Variants in PXDNL observed in about 807,000 individuals in gnomAD.
PXDNL encodes probable oxidoreductase PXDNL.
In PXDNL, 145 loss-of-function variants were observed where a neutral mutation model predicts 150.8. The ratio of observed to expected loss-of-function variants is 0.96; its 90% CI spans 0.84 to 1.10. PXDNL has a LOEUF of 1.10. Among genes scored for constraint, PXDNL ranks in the 50% least tolerant of loss-of-function variants. The pLI, the probability that PXDNL is intolerant of heterozygous loss-of-function variation, is 0.00. For missense variants in PXDNL, 2,087 were observed against 1,873.9 expected, an observed-to-expected ratio of 1.11 and a Z score of -2.10; for synonymous variants, 757 against 725.7, an observed-to-expected ratio of 1.04 and a Z score of -0.69.
chr8:51,493,149 G>C lies in PXDNL; in HGVS notation c.452+6550C>G, dbSNP rs374415117. Among the ~76,000 whole-genome samples, 173 of 152,266 alleles carry C rather than the reference G, an allele frequency of 1.1e-3. 1 individual carries two copies. The highest frequency in any genetic ancestry group is 3.8e-3 in the African/African-American group (158 of 41,552). On this transcript the variant is annotated intron_variant, in intron 5 of 22. Transcript: ENST00000356297. ...CAATATCCACTGTTCTGCAGACTGC[G>C]CTGCTGATACCCAGGCAAACAGGAT...
Position 51,809,417 on chromosome 8 carries a change from G to T in PXDNL, c.-73C>A, listed in dbSNP as rs1001412058. On this transcript the variant is annotated 5_prime_UTR_variant, in exon 1 of 23. Transcript: ENST00000356297. The stretch of plus-strand genomic sequence containing the variant: ...AGCAGCTGCAGCTGCAGCAGCAACC[G>T]CAGTGGTGGTGATGGTGGCTGCTGG... The T allele has an allele frequency of 7.1e-7, 1 of 1,407,678 alleles. No homozygotes were observed. The allele number at this position is 1,407,678 out of a possible 1,614,324, so 87.2% of individuals were successfully genotyped here. A position where few individuals can be genotyped will look rare whatever the true frequency, so the allele number is the denominator to read the frequency against.
chr8:51,588,016 A>G (rs1813365189), intron 3 of PXDNL, among the ~76,000 whole-genome samples: 2 of 152,306 alleles, frequency 1.3e-5, no homozygotes, highest in African/African-American at 4.8e-5. Flanking sequence ...GTACCATGTT[A>G]GGGAGAAAAA....
At chr8:51,613,384 C>T (rs979126705) in intron 2 of PXDNL, among the ~76,000 whole-genome samples, 1 of 147,788 alleles carries the variant, frequency 6.8e-6, no homozygotes. Flanking sequence ...ATTTGAGCGT[C>T]ACTTGATGTA....
intron 1 of PXDNL, among the ~76,000 whole-genome samples, chr8:51,732,868 G>T (rs1454332824): frequency 6.6e-6 from 1 of 152,104 alleles, no homozygotes; most frequent in Non-Finnish European, 1.5e-5. Flanking sequence ...CCTCCCACTA[G>T]GTCCCTCCCA....
chr8:51,494,785 A>C lies in PXDNL; in HGVS notation c.452+4914T>G, dbSNP rs373589600. Among the ~76,000 whole-genome samples the C allele has an allele frequency of 1.3e-3, 195 of 152,006 alleles. 5 individuals carry two copies. In the East Asian group the frequency reaches 0.034, roughly 27 times the overall value. Reference sequence around the variant, plus strand: ...GAGCACCCAGATTCATAAAGCAAGTACTTAGAGACCTACAAAGAGACTTAG... The same window carrying C: ...GAGCACCCAGATTCATAAAGCAAGTCCTTAGAGACCTACAAAGAGACTTAG... On this transcript the variant is annotated intron_variant, in intron 5 of 22. Transcript: ENST00000356297.
intron 19 of PXDNL, among the ~76,000 whole-genome samples, chr8:51,355,460 C>T (rs1009441704): frequency 3.9e-5 from 6 of 152,170 alleles, no homozygotes; most frequent in Non-Finnish European, 8.8e-5. Flanking sequence ...AAATATACAT[C>T]TGTTGACTCT....
intron 4 of PXDNL, among the ~76,000 whole-genome samples, chr8:51,551,106 G>A (rs202047093): frequency 6.1e-5 from 9 of 147,248 alleles, no homozygotes; most frequent in Admixed American, 3.3e-4. Flanking sequence ...AAAACCTTAC[G>A]AATATACCTA....
At chr8:51,372,561 C>T (rs1177827102) in intron 18 of PXDNL, among the ~76,000 whole-genome samples, 1 of 151,994 alleles carries the variant, frequency 6.6e-6, no homozygotes, top group South Asian at 2.1e-4. Flanking sequence ...ATTTTTATAT[C>T]GTTACTAGAG....
intron 14 of PXDNL, among the ~76,000 whole-genome samples, chr8:51,415,837 C>T (rs181072727): frequency 6.6e-6 from 1 of 151,968 alleles, no homozygotes; most frequent in Non-Finnish European, 1.5e-5. Context: ...AGAGTATGGA[C>T]ATAAAAGGTA....
chr8:51,595,924 CA>C (rs1352227436), intron 2 of PXDNL, among the ~76,000 whole-genome samples: 8 of 152,222 alleles, frequency 5.3e-5, no homozygotes, highest in African/African-American at 7.2e-5. Flanking sequence ...ATTTTAGATT[CA>C]GGGGGCACAT....
At chr8:51,571,214 T>A (rs1812933925) in intron 3 of PXDNL, among the ~76,000 whole-genome samples, 1 of 151,858 alleles carries the variant, frequency 6.6e-6, no homozygotes, top group Non-Finnish European at 1.5e-5. Context: ...AACAAATTTA[T>A]GTTTGTTCTA....
intron 1 of PXDNL, among the ~76,000 whole-genome samples, chr8:51,741,605 G>T (rs562440806): frequency 6.6e-6 from 1 of 152,312 alleles, no homozygotes; most frequent in African/African-American, 2.4e-5. Context: ...CATAGCTACA[G>T]TTTCAAGACA....
intron 3 of PXDNL, among the ~76,000 whole-genome samples, chr8:51,580,834 A>G (rs58409425): frequency 0.051 from 7,822 of 152,228 alleles, 472 homozygotes; most frequent in African/African-American, 0.15. Context: ...TGGTTGGGGA[A>G]ATCTAGAAAA....
intron 6 of PXDNL, among the ~76,000 whole-genome samples, chr8:51,479,647 T>C (rs1810556045): frequency 6.6e-6 from 1 of 151,966 alleles, no homozygotes; most frequent in Admixed American, 6.6e-5. Flanking sequence ...AGCTTACAAG[T>C]GGGAGCTAAA....
chr8:51,510,545 A>T (rs4873557), intron 4 of PXDNL, among the ~76,000 whole-genome samples: 73,526 of 152,080 alleles, frequency 0.48, 20,972 homozygotes, highest in East Asian at 0.63. Context: ...GACAAAGCAT[A>T]CAAGGGAAAG....
intron 1 of PXDNL, among the ~76,000 whole-genome samples, chr8:51,759,773 A>C (rs192521018): frequency 1.1e-3 from 166 of 152,334 alleles, no homozygotes; most frequent in African/African-American, 3.8e-3. Flanking sequence ...AGTTTCCTAG[A>C]CAGATGTCTG....
chr8:51,526,038 T>C (rs1811762986), intron 4 of PXDNL, among the ~76,000 whole-genome samples: 1 of 152,316 alleles, frequency 6.6e-6, no homozygotes, highest in East Asian at 1.9e-4. Context: ...ATTTTTTGCA[T>C]GTATAGTTTT....
chr8:51,463,142 GGAAACAAAAGAAT>G (rs1810121930), intron 8 of PXDNL, among the ~76,000 whole-genome samples: 1 of 151,842 alleles, frequency 6.6e-6, no homozygotes, highest in Admixed American at 6.6e-5. Context: ...TTCTAAACAT[GGAAACAAAAGAAT>G]GATGCCTACT....
rs1413907191 is a variant in PXDNL at position 51,423,636 on chromosome 8, A to G, written c.1734T>C (p.Tyr578=). ...CAAAAGAATTCCGAGCCACACATTC[A>G]TATCTTCCCTGGTCAGGGAACCCTG... ...YDAGFPDQGR[Y]ECVARNSFGL... Residue 578 remains tyrosine (Y), a synonymous_variant, in exon 14 of 23, where the codon TAT becomes TAC. Coordinates refer to ENST00000356297, the MANE Select transcript of PXDNL (RefSeq NM_144651.5). The G allele has an allele frequency of 1.2e-6, 2 of 1,613,802 alleles. No individual in the cohort carries two copies. The highest frequency in any genetic ancestry group is 1.7e-6 in the Non-Finnish European group (2 of 1,179,868).
Sources: gnomAD v4.1 joint callset for allele counts (sites outside exome capture counted in the v4.1 genomes callset) on GRCh38, gnomAD v4.1.1 for gene constraint, MANE v1.5 for transcripts, NCBI Gene and HGNC (gene_info 2026-07-23, HGNC 2026-07-21) for gene names.